Variants in FBF1 observed in about 807,000 individuals in gnomAD.
FBF1 encodes Fas binding factor 1, also known as fas-binding factor 1.
A neutral mutation model predicts 147.2 loss-of-function variants in FBF1; 119 were observed. The ratio of observed to expected loss-of-function variants is 0.81; its 90% CI spans 0.70 to 0.94. The LOEUF (loss-of-function observed/expected upper bound fraction) is 0.94, where lower values mean the gene tolerates loss of function less well. Ranked by LOEUF, FBF1 falls within the 40% of genes least tolerant of loss-of-function variation. FBF1 has a pLI of 0.00. For missense variants in FBF1, 1,449 were observed against 1,500.8 expected (o/e 0.97, Z 0.57); for synonymous variants, 601 against 609.0 (o/e 0.99, Z 0.19).
intron 17 of FBF1, 120 bp downstream of exon 17, chr17:75,921,124 A>C (rs2065523433): frequency 1.9e-6 from 2 of 1,051,316 alleles, no homozygotes; most frequent in Admixed American, 4.5e-5. Flanking sequence ...CTGACGTCAC[A>C]TTTGGTATGT....
chr17:75,938,339 T>C (rs989283892), intron 1 of FBF1, 107 bp from the exon 2 acceptor site: 5 of 744,356 alleles, frequency 6.7e-6, no homozygotes, highest in Non-Finnish European at 1.1e-5. Flanking sequence ...GGCGGGGGGA[T>C]CACCTGAGGT....
rs146466439 is a variant in FBF1 at position 75,922,424 on chromosome 17, A to G, written c.1425-378T>C. Among the ~76,000 whole-genome samples, 1,053 of 152,188 alleles carry G rather than the reference A, an allele frequency of 6.9e-3. 11 individuals carry two copies. Among genetic ancestry groups the G allele is most frequent in the Middle Eastern group, 0.034 (10 of 294 alleles). ...CCAAATCTGGCTGGCTCCCTTTCCC[A>G]TTATTTCCACCTCTTTCTCGGCTCA... is the stretch of plus-strand genomic sequence containing the variant. On this transcript the variant is annotated intron_variant, in intron 14 of 29. Transcript: ENST00000636174. This position sits in a 1 kb window ranked among gnomAD's most constrained non-coding sequence, Gnocchi z 5.0.
chr17:75,915,241 T>C, intron 23 of FBF1, 102 bp from the exon 24 acceptor site: 1 of 1,448,840 alleles, frequency 6.9e-7, no homozygotes, highest in Non-Finnish European at 9.1e-7. Context: ...TCTCCCACAC[T>C]ATGCCACTGA....
At chr17:75,924,564 G>A (rs1480233437) in intron 13 of FBF1, among the ~76,000 whole-genome samples, 3 of 152,018 alleles carry the variant, frequency 2.0e-5, no homozygotes, top group Non-Finnish European at 2.9e-5. Context: ...CACAACTTCC[G>A]CCTCTAGGAT....
chr17:75,923,112 G>C lies in FBF1; in HGVS notation c.1424+74C>G. On this transcript the variant is annotated intron_variant, in intron 14 of 29. Coordinates refer to ENST00000636174, the MANE Select transcript of FBF1 (RefSeq NM_001319193.2). This position sits in a 1 kb window ranked among gnomAD's most constrained non-coding sequence, Gnocchi z 4.1. ...CAACTGCTGACTGAGGCTGCAACAG[G>C]TGAAGGGGCAAAGGGGCTCCTCAAG... The C allele has an allele frequency of 1.4e-6, 2 of 1,397,516 alleles. No homozygotes were observed. Among genetic ancestry groups the C allele is most frequent in the Non-Finnish European group, 1.9e-6 (2 of 1,043,120 alleles). 86.6% of individuals were successfully genotyped at this position (1,397,516 alleles called of 1,614,324 possible). A position where few individuals can be genotyped will look rare whatever the true frequency, so the allele number is the denominator to read the frequency against.
In FBF1 at chr17:75,919,759, G is replaced by T; in HGVS notation, c.2047C>A (p.Arg683Ser). ...LSQCQEAEQA[R>S]AELTAQHQRR... Reference sequence around the variant, plus strand: ...TGGTGCTGGGCCGTAAGCTCAGCACGGGCCTGTTCGGCCTCCTGGCACTGC... The same window carrying T: ...TGGTGCTGGGCCGTAAGCTCAGCACTGGCCTGTTCGGCCTCCTGGCACTGC... Residue 683 changes from arginine (R) to serine (S), a missense_variant, in exon 20 of 30, where the codon CGT becomes AGT. Coordinates refer to ENST00000636174, the MANE Select transcript of FBF1 (RefSeq NM_001319193.2). This position sits in a 1 kb window ranked among gnomAD's most constrained non-coding sequence, Gnocchi z 5.0. 4.3e-6 allele frequency: 7 copies of T among 1,613,492 alleles called. No individual in the cohort carries two copies. Among genetic ancestry groups the T allele is most frequent in the Non-Finnish European group, 5.9e-6 (7 of 1,179,878 alleles).
chr17:75,938,855 A>C (rs1273761164), intron 1 of FBF1, among the ~76,000 whole-genome samples: 1 of 140,838 alleles, frequency 7.1e-6, no homozygotes, highest in Admixed American at 7.2e-5. Context: ...ACAGAGCAAG[A>C]CTCCATCTCA....
At chr17:75,921,846 C>T in intron 15 of FBF1, 99 bp downstream of exon 15, 1 of 1,021,292 alleles carries the variant, frequency 9.8e-7, no homozygotes. Context: ...GGGGACGGGG[C>T]AGGGGCAGGG....
intron 4 of FBF1, among the ~76,000 whole-genome samples, chr17:75,933,456 C>T (rs1567863943): frequency 6.6e-6 from 1 of 152,140 alleles, no homozygotes; most frequent in Non-Finnish European, 1.5e-5. Flanking sequence ...TAATCCATCC[C>T]AGCTACTCAG....
chr17:75,912,076 A>G, intron 29 of FBF1, 116 bp downstream of exon 29: 1 of 968,214 alleles, frequency 1.0e-6, no homozygotes, highest in Non-Finnish European at 1.6e-6. Flanking sequence ...CTGCAGTTTT[A>G]CTCCCCAGGA....
chr17:75,913,942 G>T lies in FBF1; in HGVS notation c.3100C>A (p.Leu1034Met), dbSNP rs776189544. ...LQAVQQQQER[L>M]RKQEQHMHQE... The stretch of plus-strand genomic sequence containing the variant: ...TGCATGTGCTGCTCCTGCTTCCGCA[G>T]CCGCTCCTGCTGTTGCTGCACCGCC... The change falls in exon 27 of 30, where the codon CTG becomes ATG. Residue 1034 changes from leucine to methionine, a missense_variant. Coordinates refer to ENST00000636174, the MANE Select transcript of FBF1 (RefSeq NM_001319193.2). 7 of 1,548,972 alleles carry T rather than the reference G, an allele frequency of 4.5e-6. No individual in the cohort carries two copies. The South Asian group carries it at 7.1e-5, about 16-fold the overall frequency.
chr17:75,932,924 T>A, intron 5 of FBF1, 71 bp downstream of exon 5: 2 of 827,556 alleles, frequency 2.4e-6, no homozygotes, highest in East Asian at 3.0e-5. Context: ...AAGTAGAAAG[T>A]GGGGGGTGGA....
At position 75,923,938 on chromosome 17, in the gene FBF1, C is replaced by T. The variant is rs1464575381; in HGVS notation, c.969-297G>A. On this transcript the variant is annotated intron_variant, in intron 13 of 29. Coordinates refer to ENST00000636174, the MANE Select transcript of FBF1 (RefSeq NM_001319193.2). This position sits in a 1 kb window ranked among gnomAD's most constrained non-coding sequence, Gnocchi z 4.1. ...AGGTCTAAAGAAAAATCAGGCCGAGCACGGTGGCTCATGTCTGTAATCCCA... is the reference window on the plus strand; with the variant it reads ...AGGTCTAAAGAAAAATCAGGCCGAGTACGGTGGCTCATGTCTGTAATCCCA... Among the ~76,000 whole-genome samples, 1 of 152,132 alleles carries T rather than the reference C, an allele frequency of 6.6e-6. No individual in the cohort carries two copies. The highest frequency in any genetic ancestry group is 1.5e-5 in the Non-Finnish European group (1 of 68,010).
chr17:75,934,662 T>C (rs1598162011), intron 4 of FBF1, among the ~76,000 whole-genome samples: 3 of 151,798 alleles, frequency 2.0e-5, no homozygotes, highest in African/African-American at 7.3e-5. Context: ...GTGGATCACC[T>C]GAGGTTGGGA....
At chr17:75,932,383 A>G (rs1031035219) in intron 5 of FBF1, among the ~76,000 whole-genome samples, 4 of 152,076 alleles carry the variant, frequency 2.6e-5, no homozygotes, top group African/African-American at 4.8e-5. Flanking sequence ...TCAAAAAAAG[A>G]GAGAAAATAA....
intron 4 of FBF1, among the ~76,000 whole-genome samples, chr17:75,934,555 C>CA (rs974439444): frequency 0.29 from 24,375 of 84,134 alleles, 2,581 homozygotes; most frequent in Middle Eastern, 0.34. Flanking sequence ...GACTCTGTCT[C>CA]AAAAAAAAAA....
rs1840910764 is a variant in FBF1 at position 75,938,215 on chromosome 17, A to C, written c.-66T>G. The C allele has an allele frequency of 3.1e-6, 5 of 1,609,708 alleles. No homozygotes were observed. In the Admixed American group the frequency reaches 8.4e-5, roughly 27 times the overall value. ...TGGCCAGCTCATCTGGATTCTGCCC[A>C]CATCAGGCTCATACTCCCTAATGAA... On this transcript the variant is annotated 5_prime_UTR_variant, in exon 2 of 30. Coordinates refer to ENST00000636174, the MANE Select transcript of FBF1 (RefSeq NM_001319193.2).
intron 23 of FBF1, 122 bp from the exon 24 acceptor site, chr17:75,915,261 C>A: frequency 7.1e-7 from 1 of 1,399,808 alleles, no homozygotes; most frequent in Non-Finnish European, 9.4e-7. Context: ...ACACGTCCTT[C>A]CCAAAGAGGC....
rs942643863 is a variant in FBF1, at chr17:75,922,221, A to C, written c.1425-175T>G. ...GTCTGAGCTCCTGGGATTTCTGGGC[A>C]TCTCTTCCCTTCCAGTACCCCCTTC... is the stretch of plus-strand genomic sequence containing the variant. On this transcript the variant is annotated intron_variant, in intron 14 of 29. Coordinates refer to ENST00000636174, the MANE Select transcript of FBF1 (RefSeq NM_001319193.2). The surrounding 1 kb of genome is among the most constrained non-coding windows in gnomAD (Gnocchi z 5.0). The C allele has an allele frequency of 1.7e-5, 10 of 577,662 alleles. No homozygotes were observed. In the African/African-American group the frequency reaches 1.9e-4, roughly 11 times the overall value. 35.8% of individuals were successfully genotyped at this position (577,662 alleles called of 1,614,324 possible). A position where few individuals can be genotyped will look rare whatever the true frequency, so the allele number is the denominator to read the frequency against.
Sources: gnomAD v4.1 joint callset for allele counts (sites outside exome capture counted in the v4.1 genomes callset) on GRCh38, gnomAD v4.1.1 for gene constraint, Gnocchi (gnomAD v3.1) non-coding constraint, MANE v1.5 for transcripts, NCBI Gene and HGNC (gene_info 2026-07-23, HGNC 2026-07-21) for gene names.